RAD51B: variants seen among roughly 807,000 people sequenced by gnomAD.
RAD51B encodes the protein RAD51 paralog B.
Under a neutral mutation model 42.2 loss-of-function variants are expected in RAD51B, and 38 were observed. The ratio of observed to expected loss-of-function variants is 0.90; its 90% confidence interval spans 0.70 to 1.18. RAD51B has a LOEUF of 1.18. Ranked by LOEUF, RAD51B falls within the 50% of genes most tolerant of loss-of-function variation. The probability of loss-of-function intolerance (pLI) is 0.00; values close to 1 mark genes in which losing one functional copy is unlikely to be tolerated. For synonymous variants in RAD51B, 154 were observed against 145.2 expected, an observed-to-expected ratio of 1.06 and a Z score of -0.43; for missense variants, 373 against 400.7, an observed-to-expected ratio of 0.93 and a Z score of 0.59.
intron 7 of RAD51B, among the ~76,000 whole-genome samples, chr14:68,185,995 G>A (rs1175264650): frequency 6.6e-6 from 1 of 152,130 alleles, no homozygotes; most frequent in Non-Finnish European, 1.5e-5. Context: ...AAACAGCATG[G>A]TACTGGTACA....
intron 10 of RAD51B, chr14:68,470,708 T>C: frequency 2.3e-6 from 1 of 434,358 alleles, no homozygotes; most frequent in Middle Eastern, 3.8e-4. Flanking sequence ...TCATAAAATA[T>C]TTCTTGTGTG....
intron 11 of RAD51B, among the ~76,000 whole-genome samples, chr14:68,677,091 G>A (rs370012166): frequency 7.9e-5 from 12 of 152,256 alleles, no homozygotes; most frequent in East Asian, 5.8e-4. Flanking sequence ...ATTAAAGCTG[G>A]AAAATGATTT....
At chr14:68,452,451 A>T (rs1294858363) in intron 9 of RAD51B, among the ~76,000 whole-genome samples, 4 of 152,246 alleles carry the variant, frequency 2.6e-5, no homozygotes, top group African/African-American at 9.6e-5. Context: ...AATAAAGTCA[A>T]TTCTCACTTC....
chr14:68,073,149 T>A (rs750704857), intron 7 of RAD51B, among the ~76,000 whole-genome samples: 7 of 152,198 alleles, frequency 4.6e-5, no homozygotes, highest in Non-Finnish European at 1.0e-4. Context: ...TATCATGTGG[T>A]TATCTATGTC....
At chr14:67,896,816 G>A (rs1025259316) in intron 7 of RAD51B, among the ~76,000 whole-genome samples, 2 of 152,120 alleles carry the variant, frequency 1.3e-5, no homozygotes, top group African/African-American at 4.8e-5. Context: ...TACCTTCCAA[G>A]TAAAGCTGGA....
intron 10 of RAD51B, among the ~76,000 whole-genome samples, chr14:68,637,652 G>T (rs1427962115): frequency 6.6e-6 from 1 of 152,220 alleles, no homozygotes; most frequent in Non-Finnish European, 1.5e-5. Flanking sequence ...AGAGACATGT[G>T]GGCCCGGCAA....
chr14:67,884,601 A>G (rs946400820), intron 5 of RAD51B, among the ~76,000 whole-genome samples: 47 of 152,048 alleles, frequency 3.1e-4, no homozygotes, highest in African/African-American at 1.1e-3. Flanking sequence ...TGCCAATGCC[A>G]TCTCATTTCT....
At chr14:68,198,341 G>C (rs2079415942) in intron 7 of RAD51B, among the ~76,000 whole-genome samples, 1 of 152,078 alleles carries the variant, frequency 6.6e-6, no homozygotes, top group Non-Finnish European at 1.5e-5. Context: ...TAGGCTCTGA[G>C]GCTTTATACT....
At chr14:67,856,746 A>G (rs549314185) in intron 4 of RAD51B, among the ~76,000 whole-genome samples, 18 of 152,294 alleles carry the variant, frequency 1.2e-4, no homozygotes, top group African/African-American at 4.3e-4. Flanking sequence ...TTACTTTAGT[A>G]CAATTAGACC....
At chr14:68,323,011 G>A (rs1056610056) in intron 8 of RAD51B, among the ~76,000 whole-genome samples, 2 of 152,208 alleles carry the variant, frequency 1.3e-5, no homozygotes, top group Admixed American at 6.5e-5. Flanking sequence ...ATTTCAAAAG[G>A]CGAAGCAAGA....
rs920954040 is a variant in RAD51B at position 68,319,372 on chromosome 14, G to T, written c.853+27392G>T. Among the ~76,000 whole-genome samples the T allele has an allele frequency of 2.0e-5, 3 of 152,148 alleles. 1 individual carries two copies. In the South Asian group the frequency reaches 6.2e-4, roughly 32 times the overall value. On this transcript the variant is annotated intron_variant, in intron 8 of 10. Coordinates refer to ENST00000471583, the MANE Select transcript of RAD51B (RefSeq NM_133510.4). The stretch of plus-strand genomic sequence containing the variant: ...TGAAATTTAAATTTAACTGAGCCTT[G>T]TATTTCTTTTTGCCAAATCTGCAGT...
chr14:68,367,176 G>A (rs960373713), intron 8 of RAD51B, among the ~76,000 whole-genome samples: 10 of 152,218 alleles, frequency 6.6e-5, no homozygotes, highest in Admixed American at 2.6e-4. Flanking sequence ...CAGGCAACCC[G>A]AAAGCCTCTT....
At chr14:68,310,295 A>G (rs2081944500) in intron 8 of RAD51B, among the ~76,000 whole-genome samples, 1 of 152,196 alleles carries the variant, frequency 6.6e-6, no homozygotes, top group Non-Finnish European at 1.5e-5. Context: ...GGAAGGGATC[A>G]CATCAAAGCT....
Position 68,632,968 on chromosome 14 carries a change from CTTTTTTTTTTTTTTTTTTTT to C in RAD51B, c.1037-17801_1037-17782del, listed in dbSNP as rs397852024. ...TTTTTTCTTTTTTCTTTTTCTTTTTCTTTTTTTTTTTTTTTTTTTTTTTTTTTTTTTGGAGAGAGGGGTTC... is the reference window on the plus strand; with the variant it reads ...TTTTTTCTTTTTTCTTTTTCTTTTTCTTTTTTTTTTTGGAGAGAGGGGTTC... On this transcript the variant is annotated intron_variant, in intron 10 of 11. Coordinates refer to the RAD51B transcript ENST00000488612. Among the ~76,000 whole-genome samples, 128 of 59,442 alleles carry C rather than the reference CTTTTTTTTTTTTTTTTTTTT, an allele frequency of 2.2e-3. 6 individuals are homozygous for C. The South Asian group carries it at 0.076, about 35-fold the overall frequency. The allele number at this position is 59,442 out of a possible 152,430, so 39.0% of individuals were successfully genotyped here. A position where few individuals can be genotyped will look rare whatever the true frequency, so the allele number is the denominator to read the frequency against.
In RAD51B at chr14:68,472,440, C is replaced by T. The variant is rs3784126; in HGVS notation, c.1036+4190C>T. Among the ~76,000 whole-genome samples the T allele has an allele frequency of 3.5e-3, 529 of 152,214 alleles. 10 individuals are homozygous for T. The highest frequency in any genetic ancestry group is 0.024 in the East Asian group (125 of 5,180). ...AGGGGCTCATAGGCACAAACACCTGCGGACTTGGTGAAACAGAACCTAAGG... is the reference window on the plus strand; with the variant it reads ...AGGGGCTCATAGGCACAAACACCTGTGGACTTGGTGAAACAGAACCTAAGG... On this transcript the variant is annotated intron_variant, in intron 10 of 10. Coordinates refer to ENST00000471583, the MANE Select transcript of RAD51B (RefSeq NM_133510.4).
At chr14:68,483,548 T>G (rs995160055) in intron 10 of RAD51B, among the ~76,000 whole-genome samples, 2 of 152,154 alleles carry the variant, frequency 1.3e-5, no homozygotes, top group African/African-American at 4.8e-5. Context: ...AACAACTAGT[T>G]TGAGTGACCC....
intron 5 of RAD51B, among the ~76,000 whole-genome samples, chr14:67,873,410 A>G (rs1434846328): frequency 6.6e-6 from 1 of 151,892 alleles, no homozygotes; most frequent in Non-Finnish European, 1.5e-5. Flanking sequence ...ACCAGTTAGA[A>G]TGGCAATCAT....
chr14:68,041,722 T>G (rs1286266553), intron 7 of RAD51B, among the ~76,000 whole-genome samples: 1 of 152,178 alleles, frequency 6.6e-6, no homozygotes, highest in Non-Finnish European at 1.5e-5. Flanking sequence ...TCCTGGATAG[T>G]TTTAATAGTA....
At chr14:68,020,142 C>G (rs576895796) in intron 7 of RAD51B, among the ~76,000 whole-genome samples, 116 of 152,284 alleles carry the variant, frequency 7.6e-4, no homozygotes, top group African/African-American at 2.7e-3. Context: ...CGGGGTCTCA[C>G]TATCTCACCT....
Sources: allele counts gnomAD v4.1 joint callset (sites outside exome capture counted in the v4.1 genomes callset), GRCh38; gene constraint gnomAD v4.1.1; transcripts MANE v1.5; gene names NCBI Gene and HGNC (gene_info 2026-07-23, HGNC 2026-07-21).